The following ZNF518A variants were observed in gnomAD, a reference collection of about 807,000 sequenced individuals.
ZNF518A encodes the protein zinc finger protein 518.
Under a neutral mutation model 102.7 loss-of-function variants are expected in ZNF518A, and 47 were observed. That is an observed-to-expected ratio of 0.46 (90% CI 0.36 to 0.58). The LOEUF (loss-of-function observed/expected upper bound fraction) is 0.58. Ranked by LOEUF, ZNF518A falls within the 20% of genes least tolerant of loss-of-function variation. The pLI is 0.00. For missense variants in ZNF518A, 1,793 were observed against 1,699.8 expected (o/e 1.05, Z -0.96); for synonymous variants, 652 against 594.6 (o/e 1.10, Z -1.40).
chr10:96,150,743 CTT>C (rs10675397), intron 3 of ZNF518A, among the ~76,000 whole-genome samples: 1,336 of 30,148 alleles, frequency 0.044, 17 homozygotes, highest in South Asian at 0.13. Flanking sequence ...TCTTTCTTTC[CTT>C]TTTTTTTTTT....
At position 96,158,641 on chromosome 10, in the gene ZNF518A, A is replaced by T; in HGVS notation, c.2319A>T (p.Gln773His). 6.2e-7 allele frequency: 1 copy of T among 1,613,416 alleles called. No individual in the cohort carries two copies. The highest frequency in any genetic ancestry group is 1.7e-5 in the Admixed American group (1 of 59,862). The change falls in exon 6 of 6, where the codon CAA becomes CAT. Residue 773 changes from glutamine to histidine, a missense_variant. By Grantham distance (24) the Gln-to-His change is conservative (BLOSUM62 0). Transcript: ENST00000316045. Reference sequence around the variant, plus strand: ...CATCTGTTTTCTCTCTCCAGAGCCAACAGGCATCAGAATTTCTGCCACCTG... The same window carrying T: ...CATCTGTTTTCTCTCTCCAGAGCCATCAGGCATCAGAATTTCTGCCACCTG... ...RITSVFSLQS[Q>H]QASEFLPPEV...
chr10:96,204,029 A>G (rs376056176), exon 3 of ZNF518A: 1 of 1,603,184 alleles, frequency 6.2e-7, no homozygotes, highest in African/African-American at 1.3e-5. Flanking sequence ...CCACTCCCTG[A>G]TACACTACAT....
rs2081279808 is a variant in ZNF518A at position 96,130,585 on chromosome 10, G to A, written c.-620G>A. On this transcript the variant is annotated 5_prime_UTR_variant, in exon 1 of 6. In the 5' UTR this introduces an upstream ATG that the reference lacks. Coordinates refer to ENST00000316045, the MANE Select transcript of ZNF518A (RefSeq NM_001330736.2). ...ACTCACTCGGCGGGTTTCGTGGTTG[G>A]TGGAGACAGCAAGGGCGCCCCGCAG... The A allele has an allele frequency of 6.6e-6, 1 of 152,408 alleles. No homozygotes were observed. Among genetic ancestry groups the A allele is most frequent in the Non-Finnish European group, 1.5e-5 (1 of 68,172 alleles). The allele number at this position is 152,408 out of a possible 1,614,324, so 9.4% of individuals were successfully genotyped here.
At chr10:96,196,309 T>A (rs2133928690) in intron 1 of ZNF518A, among the ~76,000 whole-genome samples, 1 of 152,292 alleles carries the variant, frequency 6.6e-6, no homozygotes, top group South Asian at 2.1e-4. Context: ...TATTTCAGGG[T>A]TCATTTATAG....
At chr10:96,174,152 G>T (rs2083189838) in intron 1 of ZNF518A, among the ~76,000 whole-genome samples, 1 of 151,844 alleles carries the variant, frequency 6.6e-6, no homozygotes. Flanking sequence ...TACTGCAACA[G>T]AACTGTACAC....
intron 3 of ZNF518A, among the ~76,000 whole-genome samples, chr10:96,148,416 G>A (rs1554879262): frequency 6.6e-6 from 1 of 152,104 alleles, no homozygotes; most frequent in Non-Finnish European, 1.5e-5. Context: ...CTCCAGCCTG[G>A]GCAACAAGAG....
chr10:96,174,908 G>A (rs915060822), intron 1 of ZNF518A, among the ~76,000 whole-genome samples: 1 of 152,126 alleles, frequency 6.6e-6, no homozygotes, highest in African/African-American at 2.4e-5. Context: ...TTTAGATGAG[G>A]TCGTGAAGAT....
chr10:96,156,307 CT>C lies in ZNF518A; in HGVS notation c.-10del. On this transcript the variant is annotated 5_prime_UTR_variant, in exon 6 of 6. Coordinates refer to ENST00000316045, the MANE Select transcript of ZNF518A (RefSeq NM_001330736.2). ...GTTTTCAGAAAAAAAGAAATTGGGA[CT>C]TTTTTGGTTAAATCATGCCATCTGA... 6.5e-7 allele frequency: 1 copy of C among 1,541,112 alleles called. No homozygotes were observed. The highest frequency in any genetic ancestry group is 2.3e-5 in the East Asian group (1 of 44,122).
Position 96,158,872 on chromosome 10 carries a change from G to A in ZNF518A, c.2550G>A (p.Val850=). 1.9e-6 allele frequency: 3 copies of A among 1,613,730 alleles called. No homozygotes were observed. Among genetic ancestry groups the A allele is most frequent in the Non-Finnish European group, 2.5e-6 (3 of 1,179,714 alleles). ...CACCTGGCAGTGTGGGTATTAATGT[G>A]CCTACAAATGATTTGAATTTGAAAT... ...PVPPGSVGIN[V]PTNDLNLKFG... is the part of the protein sequence containing the mutation. The change falls in exon 6 of 6, where the codon GTG becomes GTA. Residue 850 remains valine, a synonymous_variant. Coordinates refer to ENST00000316045, the MANE Select transcript of ZNF518A (RefSeq NM_001330736.2).
Position 96,161,321 on chromosome 10 carries a change from A to T in ZNF518A, c.*547A>T, listed in dbSNP as rs2082990856. 6.0e-6 allele frequency: 1 copy of T among 166,984 alleles called. No homozygotes were observed. Among genetic ancestry groups the T allele is most frequent in the Admixed American group, 6.6e-5 (1 of 15,266 alleles). The allele number at this position is 166,984 out of a possible 1,614,324, so 10.3% of individuals were successfully genotyped here. ...GGCTCCTTGAAAGTACATTTAACTC[A>T]CTACAGTTACACCTCATACAATGCT... On this transcript the variant is annotated 3_prime_UTR_variant, in exon 6 of 6. Transcript: ENST00000316045.
rs782259391 is a variant in ZNF518A at position 96,158,540 on chromosome 10, A to C, written c.2218A>C (p.Asn740His). Residue 740 changes from asparagine (N) to histidine (H), a missense_variant, in exon 6 of 6, where the codon AAT becomes CAT. Physicochemically the swap from Asn to His is moderately conservative, Grantham distance 68. Around this residue, in one of 3 missense-constraint regions of ZNF518A, gnomAD observed 1,741 missense variants for 1,622.6 expected, o/e 1.07. Transcript: ENST00000316045. ...GQNLYSNENQ[N>H]LECATEKSKW... ...AAACCTGTACAGTAATGAAAATCAA[A>C]ATTTAGAGTGTGCGACTGAAAAATC... 1.1e-5 allele frequency: 17 copies of C among 1,612,852 alleles called. No homozygotes were observed. The highest frequency in any genetic ancestry group is 1.3e-5 in the Non-Finnish European group (15 of 1,179,576).
Position 96,157,483 on chromosome 10 carries a change from ATCAGAG to A in ZNF518A, c.1168_1173del (p.Ser390_Glu391del), listed in dbSNP as rs1554883498. The A allele has an allele frequency of 6.2e-7, 1 of 1,613,874 alleles. No homozygotes were observed. The highest frequency in any genetic ancestry group is 1.7e-5 in the Admixed American group (1 of 60,006). ...GTGAGAATAATGATAAAGCCCCTGAATCAGAGTCAGAGAAGCCAACTCCTCTGTCCA... is the reference window on the plus strand; with the variant it reads ...GTGAGAATAATGATAAAGCCCCTGAATCAGAGAAGCCAACTCCTCTGTCCA... On this transcript the variant is annotated inframe_deletion, in exon 6 of 6. Transcript: ENST00000316045.
Position 96,158,314 on chromosome 10 carries a change from A to G in ZNF518A, c.1992A>G (p.Gln664=), listed in dbSNP as rs782653735. The change falls in exon 6 of 6, where the codon CAA becomes CAG. Residue 664 remains glutamine (Q), a synonymous_variant. Transcript: ENST00000316045. ...GAACAGCAGTGTATGAAAACCCTCA[A>G]AGAGAATCTTCATCCAGCAAAACAG... is the stretch of plus-strand genomic sequence containing the variant. The part of the protein sequence containing the change: ...FSGTAVYENP[Q]RESSSSKTVV... The G allele has an allele frequency of 1.2e-6, 2 of 1,613,672 alleles. No homozygotes were observed. The highest frequency in any genetic ancestry group is 1.3e-5 in the African/African-American group (1 of 74,922).
rs1292676687 is a variant in ZNF518A at position 96,203,169 on chromosome 10, G to T, written n.36-405G>T. ...GAACAATGCCTGGCACACGGCATAT[G>T]GTCACTAACAACTGAATGAATGACT... On this transcript the variant is annotated intron_variant and non_coding_transcript_variant, in intron 1 of 2. Coordinates refer to the ZNF518A transcript ENST00000442635. 1.3e-5 allele frequency among the ~76,000 whole-genome samples: 2 copies of T among 152,086 alleles called. 1 individual carries two copies. Among genetic ancestry groups the T allele is most frequent in the Middle Eastern group, 6.3e-3 (2 of 316 alleles).
chr10:96,138,735 G>A (rs1037020671), intron 3 of ZNF518A, among the ~76,000 whole-genome samples: 3 of 152,156 alleles, frequency 2.0e-5, no homozygotes, highest in Non-Finnish European at 4.4e-5. Flanking sequence ...TGCTTAGAAC[G>A]TAGATGTGGT....
downstream of ZNF518A, among the ~76,000 whole-genome samples, chr10:96,165,126 CATTTATTT>C (rs1184718576): frequency 1.5e-4 from 23 of 151,978 alleles, no homozygotes; most frequent in African/African-American, 5.1e-4. Flanking sequence ...AAAGAAGACC[CATTTATTT>C]ATTTTTCGAG....
chr10:96,157,495 G>A lies in ZNF518A; in HGVS notation c.1173G>A (p.Glu391=). The A allele has an allele frequency of 6.2e-7, 1 of 1,613,824 alleles. No individual in the cohort carries two copies. Among genetic ancestry groups the A allele is most frequent in the Non-Finnish European group, 8.5e-7 (1 of 1,179,778 alleles). Residue 391 remains glutamate (E), a synonymous_variant, in exon 6 of 6, where the codon GAG becomes GAA. Transcript: ENST00000316045. ...ATAAAGCCCCTGAATCAGAGTCAGA[G>A]AAGCCAACTCCTCTGTCCACTGGGC... ...NNDKAPESES[E]KPTPLSTGQG...
chr10:96,138,937 ATTT>A (rs782442450), intron 3 of ZNF518A, among the ~76,000 whole-genome samples: 127 of 136,016 alleles, frequency 9.3e-4, no homozygotes, highest in African/African-American at 3.2e-3. Context: ...AAAGTGGCGA[ATTT>A]TTTTTTTTTT....
At chr10:96,165,487 A>AG (rs1313699864), downstream of ZNF518A, among the ~76,000 whole-genome samples, 1 of 137,924 alleles carries the variant, frequency 7.3e-6, no homozygotes, top group Non-Finnish European at 1.5e-5. Flanking sequence ...AAAAAAAAAA[A>AG]AACAGACACC....
Sources: allele counts gnomAD v4.1 joint callset (sites outside exome capture counted in the v4.1 genomes callset), GRCh38; gene constraint gnomAD v4.1.1; regional missense constraint gnomAD v4.1.1; transcripts MANE v1.5; gene names NCBI Gene and HGNC (gene_info 2026-07-23, HGNC 2026-07-21).